Variants in AGBL4 observed in about 807,000 individuals in gnomAD.
AGBL4 encodes the protein AGBL carboxypeptidase 4, also known as cytosolic carboxypeptidase 6.
Under a neutral mutation model 66.4 loss-of-function variants are expected in AGBL4, and 58 were observed. The observed-to-expected ratio is 0.87, with a 90% CI of 0.71 to 1.09. The LOEUF (loss-of-function observed/expected upper bound fraction) is 1.09. Ranked by LOEUF, AGBL4 falls within the 50% of genes least tolerant of loss-of-function variation. AGBL4 has a pLI of 0.00. For synonymous variants in AGBL4, 234 were observed against 222.9 expected (o/e 1.05, Z -0.44); for missense variants, 579 against 631.0 (o/e 0.92, Z 0.88).
chr1:49,546,383 T>C (rs948016407), intron 3 of AGBL4, among the ~76,000 whole-genome samples: 3 of 151,632 alleles, frequency 2.0e-5, no homozygotes, highest in Non-Finnish European at 4.4e-5. Flanking sequence ...TATATACATA[T>C]ATACCACAGT....
At chr1:48,930,582 T>C (rs1051174327) in intron 5 of AGBL4, among the ~76,000 whole-genome samples, 1 of 152,194 alleles carries the variant, frequency 6.6e-6, no homozygotes, top group African/African-American at 2.4e-5. Context: ...ACAAAATGAC[T>C]TGCTCTATAA....
intron 3 of AGBL4, among the ~76,000 whole-genome samples, chr1:49,306,825 G>T (rs1353002523): frequency 2.6e-5 from 4 of 152,164 alleles, no homozygotes; most frequent in African/African-American, 9.6e-5. Flanking sequence ...ATTGCTTTGA[G>T]AACATGTTGT....
intron 6 of AGBL4, among the ~76,000 whole-genome samples, chr1:48,684,448 C>T (rs938062459): frequency 4.6e-5 from 7 of 152,214 alleles, no homozygotes; most frequent in Admixed American, 3.3e-4. Context: ...CAGCTGACAC[C>T]AGGGCTAACC....
chr1:49,461,646 T>C (rs1263037370), intron 3 of AGBL4, among the ~76,000 whole-genome samples: 5 of 100,192 alleles, frequency 5.0e-5, no homozygotes, highest in Admixed American at 3.1e-4. Flanking sequence ...CAGGCCCCAG[T>C]GTGTGATGTT....
At chr1:48,836,438 C>T (rs953697925) in intron 6 of AGBL4, among the ~76,000 whole-genome samples, 5 of 151,950 alleles carry the variant, frequency 3.3e-5, no homozygotes, top group African/African-American at 1.2e-4. Context: ...ATGCCTAAGA[C>T]TATCCTTCCT....
chr1:49,552,553 T>C (rs1653050410), intron 3 of AGBL4, among the ~76,000 whole-genome samples: 1 of 152,176 alleles, frequency 6.6e-6, no homozygotes, highest in Non-Finnish European at 1.5e-5. Context: ...CGGAAACTTC[T>C]CCTGCAAACA....
intron 6 of AGBL4, chr1:48,776,582 G>T: frequency 2.4e-6 from 2 of 816,706 alleles, no homozygotes; most frequent in Non-Finnish European, 3.2e-6. Flanking sequence ...GGGTCCCACC[G>T]TCCCTCCCCG....
At chr1:48,952,911 G>A (rs973920002) in intron 5 of AGBL4, among the ~76,000 whole-genome samples, 6 of 151,746 alleles carry the variant, frequency 4.0e-5, no homozygotes, top group East Asian at 1.9e-4. Flanking sequence ...TGCATTTTAT[G>A]TGTGGCCCAA....
chr1:48,527,529 A>T, the AGBL4 span, among the ~76,000 whole-genome samples: 1 of 151,904 alleles, frequency 6.6e-6, no homozygotes, highest in East Asian at 1.9e-4. Context: ...CCCAGGAGGC[A>T]GAGATTGCAG....
intron 5 of AGBL4, among the ~76,000 whole-genome samples, chr1:49,011,973 T>G (rs1662464001): frequency 1.3e-5 from 2 of 151,078 alleles, no homozygotes; most frequent in African/African-American, 4.9e-5. Context: ...ATGGCACATA[T>G]ATACATATGT....
chr1:48,769,549 ACACACACACACACACACACAC>A (rs1644703434), intron 6 of AGBL4, among the ~76,000 whole-genome samples: 1 of 146,762 alleles, frequency 6.8e-6, no homozygotes, highest in African/African-American at 2.6e-5. Context: ...ACACACACAC[ACACACACACACACACACACAC>A]AAGTTAAATT....
chr1:50,013,665 T>C (rs751136265), intron 1 of AGBL4, among the ~76,000 whole-genome samples: 9 of 152,242 alleles, frequency 5.9e-5, no homozygotes, highest in South Asian at 2.1e-4. Context: ...CTTAGGAACA[T>C]ATTTCCAATT....
At chr1:49,877,649 G>C (rs1468008428) in intron 1 of AGBL4, among the ~76,000 whole-genome samples, 1 of 151,942 alleles carries the variant, frequency 6.6e-6, no homozygotes, top group African/African-American at 2.4e-5. Flanking sequence ...GCCCGACTTT[G>C]GTATCAGAAT....
At chr1:49,329,240 G>A (rs1410049415) in intron 3 of AGBL4, among the ~76,000 whole-genome samples, 1 of 151,930 alleles carries the variant, frequency 6.6e-6, no homozygotes, top group African/African-American at 2.4e-5. Flanking sequence ...CTGGGAGGTG[G>A]TGGGTGCAGT....
intron 3 of AGBL4, among the ~76,000 whole-genome samples, chr1:49,383,883 G>A (rs1490420843): frequency 2.0e-5 from 3 of 151,686 alleles, no homozygotes; most frequent in African/African-American, 4.8e-5. Context: ...TGCGACCGCC[G>A]CCTCCCAGAT....
intron 3 of AGBL4, among the ~76,000 whole-genome samples, chr1:49,522,311 G>T (rs1650328001): frequency 6.6e-6 from 1 of 151,992 alleles, no homozygotes; most frequent in African/African-American, 2.4e-5. Context: ...TGGAGTCTCT[G>T]ATCCTCTGTA....
At chr1:49,647,296 A>G (rs1645908913) in intron 3 of AGBL4, among the ~76,000 whole-genome samples, 1 of 152,146 alleles carries the variant, frequency 6.6e-6, no homozygotes, top group African/African-American at 2.4e-5. Flanking sequence ...TAAATTGAAA[A>G]AAACTACAAC....
At chr1:48,571,356 T>G (rs941590635) in intron 11 of AGBL4, among the ~76,000 whole-genome samples, 1 of 152,246 alleles carries the variant, frequency 6.6e-6, no homozygotes, top group African/African-American at 2.4e-5. Context: ...CCTGGCTTTC[T>G]CCATAGCTGG....
intron 6 of AGBL4, among the ~76,000 whole-genome samples, chr1:48,678,476 T>G (rs1646403331): frequency 6.6e-6 from 1 of 152,134 alleles, no homozygotes; most frequent in African/African-American, 2.4e-5. Flanking sequence ...CTCTCTTTGC[T>G]CAAGGTCAGA....
Sources: gnomAD v4.1 joint callset for allele counts (sites outside exome capture counted in the v4.1 genomes callset) on GRCh38, gnomAD v4.1.1 for gene constraint, MANE v1.5 for transcripts, NCBI Gene and HGNC (gene_info 2026-07-23, HGNC 2026-07-21) for gene names.